Variants in CACNA2D3 observed in about 807,000 individuals in gnomAD.
CACNA2D3 encodes the protein calcium voltage-gated channel auxiliary subunit alpha2delta 3.
CACNA2D3 carries 60 observed loss-of-function variants against 160.6 expected under a neutral mutation model. The ratio of observed to expected loss-of-function variants is 0.37; its 90% CI spans 0.30 to 0.46. The LOEUF (loss-of-function observed/expected upper bound fraction) is 0.46. Among genes scored for constraint, CACNA2D3 ranks in the 20% least tolerant of loss-of-function variants. CACNA2D3 has a pLI of 1.00. For synonymous variants in CACNA2D3, 558 were observed against 492.9 expected (o/e 1.13, Z -1.75); for missense variants, 1,205 against 1,365.0 (o/e 0.88, Z 1.85).
chr3:54,533,515 A>G (rs1466998841), intron 5 of CACNA2D3, among the ~76,000 whole-genome samples: 2 of 151,482 alleles, frequency 1.3e-5, no homozygotes, highest in Non-Finnish European at 2.9e-5. Flanking sequence ...TTGTATTTTT[A>G]ATAGCGATGG....
chr3:54,904,590 C>A (rs1014853878), intron 27 of CACNA2D3, among the ~76,000 whole-genome samples: 2 of 152,160 alleles, frequency 1.3e-5, no homozygotes, highest in African/African-American at 2.4e-5. Context: ...TAAAATTGCT[C>A]CTAAAAATGT....
chr3:54,735,943 A>T (rs1489120019), intron 11 of CACNA2D3, among the ~76,000 whole-genome samples: 2 of 135,898 alleles, frequency 1.5e-5, no homozygotes, highest in Non-Finnish European at 3.2e-5. Context: ...GGTACTAGAC[A>T]CTTTTTGCAT....
intron 5 of CACNA2D3, among the ~76,000 whole-genome samples, chr3:54,508,565 C>T (rs1256280263): frequency 6.6e-6 from 1 of 152,168 alleles, no homozygotes; most frequent in African/African-American, 2.4e-5. Flanking sequence ...AGATTACAAT[C>T]AAAACACTGT....
intron 2 of CACNA2D3, among the ~76,000 whole-genome samples, chr3:54,259,887 C>T (rs1702371717): frequency 1.3e-5 from 2 of 152,294 alleles, no homozygotes; most frequent in South Asian, 4.1e-4. Context: ...TTTTGCAATG[C>T]TCAGGAATTT....
chr3:54,403,394 C>G (rs1332574393), intron 4 of CACNA2D3, among the ~76,000 whole-genome samples: 1 of 151,096 alleles, frequency 6.6e-6, no homozygotes, highest in East Asian at 1.9e-4. Flanking sequence ...CACACACACA[C>G]ACACGCACAC....
chr3:54,687,372 A>G (rs531191563), intron 11 of CACNA2D3, among the ~76,000 whole-genome samples: 137 of 146,312 alleles, frequency 9.4e-4, no homozygotes, highest in Non-Finnish European at 1.2e-3. Context: ...AGGATGGTCT[A>G]GACTCCTGAC....
At chr3:54,137,742 C>G (rs1699843837) in intron 2 of CACNA2D3, among the ~76,000 whole-genome samples, 1 of 152,190 alleles carries the variant, frequency 6.6e-6, no homozygotes, top group Non-Finnish European at 1.5e-5. Flanking sequence ...CGCAAGTTGA[C>G]TAGACGGGAC....
At chr3:54,845,578 G>A (rs1329668841) in intron 16 of CACNA2D3, among the ~76,000 whole-genome samples, 1 of 152,198 alleles carries the variant, frequency 6.6e-6, no homozygotes, top group African/African-American at 2.4e-5. Flanking sequence ...ATTTATTGTA[G>A]CCAATGGGTG....
chr3:54,246,112 A>T (rs1702070605), intron 2 of CACNA2D3, among the ~76,000 whole-genome samples: 1 of 152,152 alleles, frequency 6.6e-6, no homozygotes, highest in South Asian at 2.1e-4. Context: ...TTGTTCAGTG[A>T]TTTTGGTTGT....
At chr3:54,977,621 A>C (rs1702419426) in intron 29 of CACNA2D3, among the ~76,000 whole-genome samples, 1 of 152,160 alleles carries the variant, frequency 6.6e-6, no homozygotes, top group Non-Finnish European at 1.5e-5. Flanking sequence ...GGGGATTTGA[A>C]TATTGACAGT....
chr3:54,855,384 G>C (rs111721737), intron 17 of CACNA2D3, among the ~76,000 whole-genome samples: 4 of 152,276 alleles, frequency 2.6e-5, no homozygotes, highest in African/African-American at 9.6e-5. Context: ...ACCATTTCCT[G>C]TCATTTCCTA....
At chr3:54,659,801 A>G (rs1699935705) in intron 11 of CACNA2D3, among the ~76,000 whole-genome samples, 1 of 152,188 alleles carries the variant, frequency 6.6e-6, no homozygotes, top group Non-Finnish European at 1.5e-5. Flanking sequence ...TGTCTTCTTT[A>G]GTAAACAACA....
At chr3:54,828,890 C>T (rs1302674523) in intron 14 of CACNA2D3, among the ~76,000 whole-genome samples, 1 of 152,194 alleles carries the variant, frequency 6.6e-6, no homozygotes, top group African/African-American at 2.4e-5. Context: ...TTTTTTGTAG[C>T]ATTCTCAAGA....
intron 4 of CACNA2D3, among the ~76,000 whole-genome samples, chr3:54,426,294 T>A (rs941534869): frequency 1.3e-5 from 2 of 152,208 alleles, no homozygotes; most frequent in Non-Finnish European, 2.9e-5. Context: ...TGCCATAAAA[T>A]AGCAGTAATT....
intron 18 of CACNA2D3, chr3:54,874,917 A>G (rs899298993): frequency 1.3e-5 from 2 of 152,142 alleles, no homozygotes; most frequent in Non-Finnish European, 2.9e-5. Flanking sequence ...TGCTAAACAG[A>G]TGTTTGTCTG....
chr3:54,985,264 A>G (rs750887949), intron 30 of CACNA2D3, among the ~76,000 whole-genome samples: 5 of 152,170 alleles, frequency 3.3e-5, no homozygotes, highest in Non-Finnish European at 5.9e-5. Context: ...GAGAGAGATG[A>G]AAAGAAACCA....
chr3:54,728,852 C>T (rs1245472120), intron 11 of CACNA2D3, among the ~76,000 whole-genome samples: 1 of 152,164 alleles, frequency 6.6e-6, no homozygotes, highest in Non-Finnish European at 1.5e-5. Context: ...ATTTTGATTT[C>T]CCACCATTTT....
chr3:54,931,857 T>C (rs1483682274), intron 27 of CACNA2D3, among the ~76,000 whole-genome samples: 4 of 152,150 alleles, frequency 2.6e-5, no homozygotes, highest in African/African-American at 7.2e-5. Context: ...ATGTAATAGC[T>C]CTTTCTCCCA....
At position 54,653,410 on chromosome 3, in the gene CACNA2D3, A is replaced by C. The variant is rs548973861; in HGVS notation, c.1167+11169A>C. On this transcript the variant is annotated intron_variant, in intron 11 of 37. Transcript: ENST00000474759. ...TGGCTGAAGTCACATTTGGTCCAAA[A>C]GTTTTGAGTGAGTTTGAGTCATTGC... is the stretch of plus-strand genomic sequence containing the variant. Among the ~76,000 whole-genome samples, 59 of 152,108 alleles carry C rather than the reference A, an allele frequency of 3.9e-4. 1 individual carries two copies. In the South Asian group the frequency reaches 0.011, roughly 30 times the overall value.
Sources: gnomAD v4.1 joint callset for allele counts (sites outside exome capture counted in the v4.1 genomes callset) on GRCh38, gnomAD v4.1.1 for gene constraint, MANE v1.5 for transcripts, NCBI Gene and HGNC (gene_info 2026-07-23, HGNC 2026-07-21) for gene names.